SGCZ: variants seen among roughly 807,000 people sequenced by gnomAD.
SGCZ encodes the protein sarcoglycan zeta.
Under a neutral mutation model 41.3 loss-of-function variants are expected in SGCZ, and 40 were observed. The observed-to-expected ratio is 0.97, with a 90% confidence interval of 0.75 to 1.26. The LOEUF is 1.26. Ranked by LOEUF, SGCZ falls within the 50% of genes most tolerant of loss-of-function variation. The pLI, the probability that SGCZ is intolerant of heterozygous loss-of-function variation, is 0.00. For synonymous variants in SGCZ, 206 were observed against 137.5 expected (o/e 1.50, Z -3.49); for missense variants, 552 against 369.8 (o/e 1.49, Z -4.04).
chr8:14,715,188 G>C (rs1809648268), intron 1 of SGCZ, among the ~76,000 whole-genome samples: 1 of 152,116 alleles, frequency 6.6e-6, no homozygotes, highest in African/African-American at 2.4e-5. Flanking sequence ...TGAGCTTTTG[G>C]TTGAGAGTGA....
At chr8:14,286,652 C>G (rs920748887) in intron 3 of SGCZ, among the ~76,000 whole-genome samples, 1 of 152,116 alleles carries the variant, frequency 6.6e-6, no homozygotes, top group Non-Finnish European at 1.5e-5. Flanking sequence ...AATGAAAGCA[C>G]TAACATTACA....
intron 1 of SGCZ, among the ~76,000 whole-genome samples, chr8:14,579,588 T>A (rs1419685101): frequency 6.6e-6 from 1 of 152,204 alleles, no homozygotes; most frequent in African/African-American, 2.4e-5. Context: ...ATATACAGGT[T>A]CAGGGAACAC....
intron 1 of SGCZ, among the ~76,000 whole-genome samples, chr8:14,834,158 A>G (rs1167922111): frequency 2.0e-5 from 3 of 152,078 alleles, no homozygotes; most frequent in East Asian, 3.9e-4. Flanking sequence ...GTAAATTGGT[A>G]TTTTGTAATT....
At chr8:15,159,262 C>T (rs1387337298) in intron 1 of SGCZ, among the ~76,000 whole-genome samples, 1 of 152,178 alleles carries the variant, frequency 6.6e-6, no homozygotes, top group Non-Finnish European at 1.5e-5. Context: ...GGCATGGGAG[C>T]TCACCACCAC....
chr8:14,563,149 T>G (rs991297248), intron 1 of SGCZ, among the ~76,000 whole-genome samples: 4 of 152,282 alleles, frequency 2.6e-5, no homozygotes, highest in African/African-American at 9.6e-5. Context: ...TCCTCCACAG[T>G]GTGCTTCCTC....
At chr8:14,641,806 T>C (rs1434106308) in intron 1 of SGCZ, among the ~76,000 whole-genome samples, 2 of 151,672 alleles carry the variant, frequency 1.3e-5, no homozygotes, top group Non-Finnish European at 3.0e-5. Context: ...CCCATTCTTA[T>C]AATCCTTGCA....
chr8:14,595,399 A>AC (rs1285610658), intron 1 of SGCZ, among the ~76,000 whole-genome samples: 25 of 109,386 alleles, frequency 2.3e-4, no homozygotes, highest in Non-Finnish European at 3.0e-4. Context: ...TAACATGCAC[A>AC]AACACACACA....
chr8:14,167,708 G>T (rs1007625196), intron 4 of SGCZ, among the ~76,000 whole-genome samples: 1 of 152,066 alleles, frequency 6.6e-6, no homozygotes, highest in Non-Finnish European at 1.5e-5. Context: ...ATTCTTAAAA[G>T]AACAAACCAC....
intron 1 of SGCZ, among the ~76,000 whole-genome samples, chr8:14,964,473 C>T (rs1270516734): frequency 1.3e-5 from 2 of 152,100 alleles, no homozygotes; most frequent in Non-Finnish European, 2.9e-5. Flanking sequence ...ACTGGGTTAC[C>T]TCTAAAACAA....
chr8:15,172,502 G>A (rs1446198627), intron 1 of SGCZ, among the ~76,000 whole-genome samples: 1 of 152,102 alleles, frequency 6.6e-6, no homozygotes, highest in Non-Finnish European at 1.5e-5. Context: ...CCACTAGAGA[G>A]TAGGAGTCAG....
intron 1 of SGCZ, among the ~76,000 whole-genome samples, chr8:15,213,741 T>C (rs985931657): frequency 6.6e-6 from 1 of 151,860 alleles, no homozygotes. Context: ...CATTAACTTA[T>C]CCTTCTACTA....
chr8:14,188,042 A>G (rs1585213270), intron 4 of SGCZ, among the ~76,000 whole-genome samples: 2 of 152,254 alleles, frequency 1.3e-5, no homozygotes, highest in Non-Finnish European at 2.9e-5. Context: ...GCATATTCAA[A>G]GTGTTCAGAT....
chr8:14,511,894 C>A (rs1021117101), intron 2 of SGCZ, among the ~76,000 whole-genome samples: 1 of 151,880 alleles, frequency 6.6e-6, no homozygotes, highest in Non-Finnish European at 1.5e-5. Context: ...CCAACATAGT[C>A]TATAGATTAT....
At chr8:14,642,008 A>G (rs1807041779) in intron 1 of SGCZ, among the ~76,000 whole-genome samples, 1 of 151,652 alleles carries the variant, frequency 6.6e-6, no homozygotes, top group Non-Finnish European at 1.5e-5. Context: ...AATGACCTAC[A>G]TAGTGTCTTA....
chr8:14,982,002 T>C (rs1299404304), intron 1 of SGCZ, among the ~76,000 whole-genome samples: 1 of 151,674 alleles, frequency 6.6e-6, no homozygotes, highest in African/African-American at 2.4e-5. Flanking sequence ...ATACAAAAAT[T>C]AGCCAGGCGT....
chr8:14,788,331 C>T lies in SGCZ; in HGVS notation c.40-233405G>A, dbSNP rs576369580. On this transcript the variant is annotated intron_variant, in intron 1 of 7. Transcript: ENST00000382080. ...TGAACAATGTGTGTTGGAAAGGGAA[C>T]CTTGGGCGATTAATTTCTCTAAGTG... Among the ~76,000 whole-genome samples, 7 of 152,242 alleles carry T rather than the reference C, an allele frequency of 4.6e-5. No individual in the cohort carries two copies. In the East Asian group the frequency reaches 1.4e-3, roughly 29 times the overall value.
intron 1 of SGCZ, among the ~76,000 whole-genome samples, chr8:15,223,764 T>C (rs1330337684): frequency 3.3e-5 from 5 of 152,216 alleles, no homozygotes; most frequent in African/African-American, 9.6e-5. Context: ...TATGGAGTCA[T>C]TACAGAATAT....
rs1371177745 is a variant in SGCZ at position 14,089,150 on chromosome 8, A to G, written c.*1293T>C. Among the ~76,000 whole-genome samples the G allele has an allele frequency of 6.6e-6, 1 of 152,012 alleles. No individual in the cohort carries two copies. The highest frequency in any genetic ancestry group is 1.5e-5 in the Non-Finnish European group (1 of 67,952). ...GTTGTTTACTAAGAGGTCATATACA[A>G]AAATAAGCATTGGAAAATGAAAAGA... On this transcript the variant is annotated 3_prime_UTR_variant, in exon 8 of 8. Transcript: ENST00000382080.
intron 2 of SGCZ, among the ~76,000 whole-genome samples, chr8:14,328,393 G>A (rs1179971977): frequency 1.3e-5 from 2 of 150,578 alleles, no homozygotes; most frequent in Non-Finnish European, 2.9e-5. Context: ...CCTTGTCTTG[G>A]TTCTGCCACT....
Sources: gnomAD v4.1 joint callset for allele counts (sites outside exome capture counted in the v4.1 genomes callset) on GRCh38, gnomAD v4.1.1 for gene constraint, MANE v1.5 for transcripts, NCBI Gene and HGNC (gene_info 2026-07-23, HGNC 2026-07-21) for gene names.